Variants in PTPN14 observed in about 807,000 individuals in gnomAD.
PTPN14 encodes protein tyrosine phosphatase non-receptor type 14.
Under a neutral mutation model 126.8 loss-of-function variants are expected in PTPN14, and 53 were observed. The ratio of observed to expected loss-of-function variants is 0.42; its 90% CI spans 0.34 to 0.53. PTPN14 has a LOEUF of 0.53. Among genes scored for constraint, PTPN14 ranks in the 20% least tolerant of loss-of-function variants. The pLI is 0.08. For synonymous variants in PTPN14, 630 were observed against 599.3 expected (o/e 1.05, Z -0.75); for missense variants, 1,257 against 1,552.9 (o/e 0.81, Z 3.20).
At chr1:214,368,620 G>C (rs146135922) in intron 17 of PTPN14, among the ~76,000 whole-genome samples, 9 of 152,104 alleles carry the variant, frequency 5.9e-5, no homozygotes, top group Non-Finnish European at 1.3e-4. Flanking sequence ...AGTCATAGTT[G>C]TGCAACCATC....
chr1:214,504,236 T>C (rs1447980237), intron 1 of PTPN14, among the ~76,000 whole-genome samples: 1 of 152,028 alleles, frequency 6.6e-6, no homozygotes, highest in East Asian at 1.9e-4. Flanking sequence ...GAGTCAGAAA[T>C]ACCATAGGAA....
chr1:214,533,088 G>A, intron 1 of PTPN14: 1 of 737,670 alleles, frequency 1.4e-6, no homozygotes, highest in South Asian at 1.4e-5. Flanking sequence ...GTACGGTCCA[G>A]TCCTTGGAGA....
Position 214,369,522 on chromosome 1 carries a change from A to G in PTPN14, c.3206T>C (p.Val1069Ala). 1 of 1,614,140 alleles carries G rather than the reference A, an allele frequency of 6.2e-7. No individual in the cohort carries two copies. Among genetic ancestry groups the G allele is most frequent in the Non-Finnish European group, 8.5e-7 (1 of 1,180,028 alleles). Reference protein sequence around the residue: ...KHLLSGQERTVWHLQYTDWPD... With the variant: ...KHLLSGQERTAWHLQYTDWPD... ...CCAGTCAGTATATTGTAAATGCCAC[A>G]CCGTCCTTTCTTGCCCAGACAAAAG... Residue 1069 changes from valine to alanine, a missense_variant, in exon 17 of 19, where the codon GTG becomes GCG. Physicochemically the swap from Val to Ala is moderately conservative, Grantham distance 64. Transcript: ENST00000366956.
intron 4 of PTPN14, among the ~76,000 whole-genome samples, chr1:214,413,932 G>A (rs1659366130): frequency 6.6e-6 from 1 of 152,018 alleles, no homozygotes. Flanking sequence ...ACCTCCCAAA[G>A]TGCTGGGATT....
intron 2 of PTPN14, among the ~76,000 whole-genome samples, chr1:214,460,524 A>ACAC (rs140053325): frequency 2.5e-3 from 331 of 132,670 alleles, no homozygotes; most frequent in African/African-American, 9.5e-3. Context: ...TGAAAATTCC[A>ACAC]ACACACACAC....
intron 18 of PTPN14, among the ~76,000 whole-genome samples, chr1:214,358,824 C>A (rs1657886039): frequency 6.7e-6 from 1 of 150,058 alleles, no homozygotes; most frequent in Non-Finnish European, 1.5e-5. Context: ...CTCACTGCAA[C>A]CTCTGCCTCC....
intron 4 of PTPN14, among the ~76,000 whole-genome samples, chr1:214,413,434 G>C (rs148318839): frequency 2.0e-5 from 3 of 152,282 alleles, no homozygotes; most frequent in Non-Finnish European, 4.4e-5. Context: ...CAGAATGAAA[G>C]AGGTCAGGAG....
intron 1 of PTPN14, among the ~76,000 whole-genome samples, chr1:214,520,733 C>A (rs1655234668): frequency 6.6e-6 from 1 of 152,110 alleles, no homozygotes; most frequent in South Asian, 2.1e-4. Flanking sequence ...ATCACTCTGA[C>A]TTGTTGAGTT....
At chr1:214,433,069 AT>A (rs1164008645) in intron 3 of PTPN14, among the ~76,000 whole-genome samples, 1 of 151,664 alleles carries the variant, frequency 6.6e-6, no homozygotes, top group African/African-American at 2.4e-5. Flanking sequence ...ACGCCCGGCT[AT>A]TTTTTTGTAT....
rs144887065 is a variant in PTPN14 at position 214,502,755 on chromosome 1, A to G, written c.-154-37798T>C. On this transcript the variant is annotated intron_variant, in intron 1 of 18. Coordinates refer to ENST00000366956, the MANE Select transcript of PTPN14 (RefSeq NM_005401.5). ...ACAGAGTGATTTAGTTGTGTAAAAAAGTGTTCCATAATAAAATATAGCGCA... is the reference window on the plus strand; with the variant it reads ...ACAGAGTGATTTAGTTGTGTAAAAAGGTGTTCCATAATAAAATATAGCGCA... Among the ~76,000 whole-genome samples, 233 of 152,360 alleles carry G rather than the reference A, an allele frequency of 1.5e-3. 3 individuals carry two copies. The highest frequency in any genetic ancestry group is 6.8e-3 in the Middle Eastern group (2 of 294).
intron 1 of PTPN14, chr1:214,533,218 G>T: frequency 1.5e-6 from 1 of 676,398 alleles, no homozygotes. Flanking sequence ...CCTGGCGTCA[G>T]GGCTGGCCCA....
In PTPN14 at chr1:214,491,039, A is replaced by G. The variant is rs573525509; in HGVS notation, c.-154-26082T>C. ...AAAGGAAGAAAGGAAGGAAGGAAGA[A>G]AGAAAGAAAGAAAGAAAAACAAAGA... is the stretch of plus-strand genomic sequence containing the variant. On this transcript the variant is annotated intron_variant, in intron 1 of 18. Transcript: ENST00000366956. Among the ~76,000 whole-genome samples, 9 of 123,998 alleles carry G rather than the reference A, an allele frequency of 7.3e-5. No individual in the cohort carries two copies. The East Asian group carries it at 1.8e-3, about 25-fold the overall frequency. The allele number at this position is 123,998 out of a possible 152,430, so 81.3% of individuals were successfully genotyped here.
chr1:214,434,695 T>C (rs923964283), intron 3 of PTPN14, among the ~76,000 whole-genome samples: 2 of 152,058 alleles, frequency 1.3e-5, no homozygotes, highest in African/African-American at 2.4e-5. Flanking sequence ...TTACATGAAA[T>C]TGGAGTCGCC....
chr1:214,377,101 C>G (rs75594554), intron 14 of PTPN14, among the ~76,000 whole-genome samples: 4,638 of 152,260 alleles, frequency 0.03, 97 homozygotes, highest in Middle Eastern at 0.078. Context: ...TTTTCAAAAC[C>G]CATGTTGTCA....
intron 1 of PTPN14, among the ~76,000 whole-genome samples, chr1:214,489,129 G>A (rs1008876244): frequency 6.6e-6 from 1 of 152,150 alleles, no homozygotes; most frequent in African/African-American, 2.4e-5. Flanking sequence ...ATTAGTAACC[G>A]CAGCTTCAAA....
At chr1:214,543,100 T>G (rs1205474484) in intron 1 of PTPN14, among the ~76,000 whole-genome samples, 2 of 152,218 alleles carry the variant, frequency 1.3e-5, no homozygotes, top group Non-Finnish European at 2.9e-5. Context: ...TTTCTCTCAC[T>G]GTAAAAACTA....
intron 8 of PTPN14, among the ~76,000 whole-genome samples, chr1:214,397,538 T>C (rs569645162): frequency 0.015 from 2,241 of 152,324 alleles, 28 homozygotes; most frequent in African/African-American, 0.03. Flanking sequence ...TTTTTAAAAC[T>C]AATCACCTTT....
chr1:214,426,703 ACTC>A (rs1659671806), intron 3 of PTPN14, among the ~76,000 whole-genome samples: 1 of 152,006 alleles, frequency 6.6e-6, no homozygotes, highest in South Asian at 2.1e-4. Flanking sequence ...CTACAAACAC[ACTC>A]CTCCTTTTCA....
chr1:214,401,793 A>G, intron 6 of PTPN14, 21 bp from the exon 7 acceptor site: 2 of 1,534,662 alleles, frequency 1.3e-6, no homozygotes, highest in Non-Finnish European at 1.8e-6. Flanking sequence ...AATAGCATCA[A>G]AGGAAGAAAT....
Sources: gnomAD v4.1 joint callset for allele counts (sites outside exome capture counted in the v4.1 genomes callset) on GRCh38, gnomAD v4.1.1 for gene constraint, MANE v1.5 for transcripts, NCBI Gene and HGNC (gene_info 2026-07-23, HGNC 2026-07-21) for gene names.